Variants in PREX1 observed in about 807,000 individuals in gnomAD.
PREX1 encodes phosphatidylinositol 3,4,5-trisphosphate-dependent Rac exchanger 1 protein.
Under a neutral mutation model 198.3 loss-of-function variants are expected in PREX1, and 41 were observed. The observed-to-expected ratio is 0.21, with a 90% confidence interval of 0.16 to 0.27. The LOEUF (loss-of-function observed/expected upper bound fraction) is 0.27, where lower values mean the gene tolerates loss of function less well. Ranked by LOEUF, PREX1 falls within the 10% of genes least tolerant of loss-of-function variation. The probability of loss-of-function intolerance (pLI) is 1.00; values close to 1 mark genes in which losing one functional copy is unlikely to be tolerated. For missense variants in PREX1, 1,620 were observed against 2,200.7 expected, an observed-to-expected ratio of 0.74 and a Z score of 5.28; for synonymous variants, 843 against 887.2, an observed-to-expected ratio of 0.95 and a Z score of 0.89.
intron 1 of PREX1, among the ~76,000 whole-genome samples, chr20:48,789,482 G>A (rs2090327637): frequency 6.6e-6 from 1 of 152,194 alleles, no homozygotes; most frequent in Non-Finnish European, 1.5e-5. Context: ...CCTTAGCAGT[G>A]GGTATCATTA....
chr20:48,807,630 G>A (rs1475151942), intron 1 of PREX1, among the ~76,000 whole-genome samples: 3 of 151,790 alleles, frequency 2.0e-5, no homozygotes, highest in East Asian at 1.9e-4. Flanking sequence ...AAAGGGTATC[G>A]TGGGTTTTTA....
At chr20:48,826,289 T>C (rs2090508331) in intron 1 of PREX1, among the ~76,000 whole-genome samples, 1 of 151,956 alleles carries the variant, frequency 6.6e-6, no homozygotes, top group African/African-American at 2.4e-5. Context: ...GCATGGAGAT[T>C]AAAGACTTTA....
At chr20:48,647,215 G>C (rs1455736330) in intron 25 of PREX1, among the ~76,000 whole-genome samples, 2 of 151,544 alleles carry the variant, frequency 1.3e-5, no homozygotes, top group African/African-American at 2.4e-5. Context: ...GGTGACAGTT[G>C]GATAAAGTGC....
chr20:48,627,056 C>T (rs1009639044), intron 39 of PREX1, among the ~76,000 whole-genome samples: 5 of 152,188 alleles, frequency 3.3e-5, no homozygotes, highest in African/African-American at 1.2e-4. Flanking sequence ...AATCAGGCAT[C>T]GCAGGCCTGG....
At position 48,639,810 on chromosome 20, in the gene PREX1, T is replaced by C. The variant is rs1204199653; in HGVS notation, c.3860A>G (p.Asn1287Ser). The C allele has an allele frequency of 1.2e-6, 2 of 1,613,912 alleles. No individual in the cohort carries two copies. Among genetic ancestry groups the C allele is most frequent in the Admixed American group, 1.7e-5 (1 of 59,998 alleles). Reference sequence around the variant, plus strand: ...GTTGTCCACCAGGGTCTTGATGGAGTTGGGGAGGTTCCAGGGGTCCTCCTG... The same window carrying C: ...GTTGTCCACCAGGGTCTTGATGGAGCTGGGGAGGTTCCAGGGGTCCTCCTG... ...SIQEDPWNLP[N>S]SIKTLVDNIQ... Residue 1287 changes from asparagine (N) to serine (S), a missense_variant, in exon 30 of 40, where the codon AAC becomes AGC. Asn to Ser is a conservative substitution (Grantham distance 46). Around this residue, in one of 7 missense-constraint regions of PREX1, gnomAD observed 476 missense variants for 603.4 expected, o/e 0.79. Coordinates refer to ENST00000371941, the MANE Select transcript of PREX1 (RefSeq NM_020820.4).
chr20:48,709,794 C>T (rs746364089), intron 5 of PREX1, among the ~76,000 whole-genome samples: 21 of 152,352 alleles, frequency 1.4e-4, no homozygotes, highest in Non-Finnish European at 2.6e-4. Context: ...TATGACAACA[C>T]GCTAGCTGTA....
Position 48,701,133 on chromosome 20 carries a change from G to A in PREX1, c.784-247C>T, listed in dbSNP as rs60933803. Among the ~76,000 whole-genome samples the A allele has an allele frequency of 7.9e-3, 1,200 of 152,318 alleles. 10 individuals carry two copies. The highest frequency in any genetic ancestry group is 0.028 in the African/African-American group (1,147 of 41,564). On this transcript the variant is annotated intron_variant, in intron 6 of 39. Coordinates refer to ENST00000371941, the MANE Select transcript of PREX1 (RefSeq NM_020820.4). The stretch of plus-strand genomic sequence containing the variant: ...TACAGGAGAGGGACTTGGGGCTCAG[G>A]GAGGAGTGACTCACCCAGCTCATAC...
At chr20:48,664,388 AGAG>A (rs2089620175) in intron 15 of PREX1, among the ~76,000 whole-genome samples, 1 of 147,030 alleles carries the variant, frequency 6.8e-6, no homozygotes, top group Non-Finnish European at 1.5e-5. Context: ...AAAAAAAAAA[AGAG>A]AGAGAATCCG....
At chr20:48,811,970 C>A (rs1237076336) in intron 1 of PREX1, among the ~76,000 whole-genome samples, 1 of 152,224 alleles carries the variant, frequency 6.6e-6, no homozygotes, top group Non-Finnish European at 1.5e-5. Flanking sequence ...ATCCCCAGGC[C>A]AAGTGACTGA....
chr20:48,775,212 T>TC (rs1405635814), intron 1 of PREX1, among the ~76,000 whole-genome samples: 1 of 151,976 alleles, frequency 6.6e-6, no homozygotes, highest in African/African-American at 2.4e-5. Context: ...GAGATGAAGC[T>TC]CCTGCCCTCA....
At position 48,630,730 on chromosome 20, in the gene PREX1, G is replaced by A. The variant is rs748102414; in HGVS notation, c.4591C>T (p.Gln1531Ter). ...AGCAGGAGGGCACGTGGACATACCT[G>A]GTCTATCTTTACCGCCGTGGTGCTG... ...DASTTAVKID[Q>*]LIRPINALDE... The change falls in exon 36 of 40, where the codon CAG becomes TAG. Residue 1531 changes from glutamine (Q) to a stop codon, truncating the protein, a stop_gained and splice_region_variant. Coordinates refer to ENST00000371941, the MANE Select transcript of PREX1 (RefSeq NM_020820.4). LOFTEE classifies it high-confidence loss of function. 6.3e-7 allele frequency: 1 copy of A among 1,589,634 alleles called. No homozygotes were observed. Among genetic ancestry groups the A allele is most frequent in the Admixed American group, 1.7e-5 (1 of 59,980 alleles).
chr20:48,885,923 A>T, the PREX1 span, among the ~76,000 whole-genome samples: 1 of 152,170 alleles, frequency 6.6e-6, no homozygotes, highest in African/African-American at 2.4e-5. Flanking sequence ...AGAGATGAAT[A>T]GTTGGAGCAC....
Position 48,717,855 on chromosome 20 carries a change from C to G in PREX1, c.621+8435G>C, listed in dbSNP as rs6012522. On this transcript the variant is annotated intron_variant, in intron 5 of 39. Transcript: ENST00000371941. ...CTTTGATGAGGATGTGCTGTGTGACCTTGGACAAGTTGCCTCCCCTTTCTG... is the reference window on the plus strand; with the variant it reads ...CTTTGATGAGGATGTGCTGTGTGACGTTGGACAAGTTGCCTCCCCTTTCTG... Among the ~76,000 whole-genome samples, 8 of 152,300 alleles carry G rather than the reference C, an allele frequency of 5.3e-5. No individual in the cohort carries two copies. The East Asian group carries it at 1.3e-3, about 26-fold the overall frequency.
chr20:48,629,330 G>A (rs1219049537), intron 37 of PREX1, 119 bp downstream of exon 37: 19 of 1,322,612 alleles, frequency 1.4e-5, no homozygotes, highest in Non-Finnish European at 2.0e-5. Context: ...AGGCTCTACA[G>A]GCAATGGCAG....
At chr20:48,693,241 G>T (rs1454008796) in intron 7 of PREX1, among the ~76,000 whole-genome samples, 1 of 149,758 alleles carries the variant, frequency 6.7e-6, no homozygotes, top group African/African-American at 2.5e-5. Flanking sequence ...ACCTTCCCAG[G>T]GTTCAATCAT....
At chr20:48,719,733 C>T (rs1482292173) in intron 5 of PREX1, among the ~76,000 whole-genome samples, 1 of 152,148 alleles carries the variant, frequency 6.6e-6, no homozygotes, top group Non-Finnish European at 1.5e-5. Context: ...CCTCCACTGC[C>T]ACCACCAGGT....
rs2089639382 is a variant in PREX1 at position 48,666,217 on chromosome 20, C to A, written c.1738+66G>T. 3 of 1,472,654 alleles carry A rather than the reference C, an allele frequency of 2.0e-6. No homozygotes were observed. The highest frequency in any genetic ancestry group is 3.9e-5 in the Admixed American group (2 of 50,778). The allele number at this position is 1,472,654 out of a possible 1,614,324, so 91.2% of individuals were successfully genotyped here. ...CAGACCTGGCTTCAGTCCTCCCATA[C>A]TCCCCCAAACCATCAGCTCCAGGGA... is the stretch of plus-strand genomic sequence containing the variant. On this transcript the variant is annotated intron_variant, in intron 15 of 39. Coordinates refer to ENST00000371941, the MANE Select transcript of PREX1 (RefSeq NM_020820.4). This position sits in a 1 kb window ranked among gnomAD's most constrained non-coding sequence, Gnocchi z 4.3.
intron 14 of PREX1, among the ~76,000 whole-genome samples, chr20:48,672,013 C>T (rs916253576): frequency 3.9e-5 from 6 of 152,252 alleles, no homozygotes; most frequent in South Asian, 2.1e-4. Context: ...GTGACAGTGA[C>T]GCAAGCTACT....
chr20:48,717,320 G>A (rs1422348628), intron 5 of PREX1, among the ~76,000 whole-genome samples: 1 of 152,090 alleles, frequency 6.6e-6, no homozygotes, highest in Non-Finnish European at 1.5e-5. Flanking sequence ...CCAGGAAGGG[G>A]CTGATCCTGC....
Sources: gnomAD v4.1 joint callset for allele counts (sites outside exome capture counted in the v4.1 genomes callset) on GRCh38, gnomAD v4.1.1 for gene constraint, gnomAD v4.1.1 regional missense constraint, Gnocchi (gnomAD v3.1) non-coding constraint, MANE v1.5 for transcripts, NCBI Gene and HGNC (gene_info 2026-07-23, HGNC 2026-07-21) for gene names.